Variants in SYN3 observed in about 807,000 individuals in gnomAD.
SYN3 encodes the protein synapsin-3.
Under a neutral mutation model 65.8 loss-of-function variants are expected in SYN3, and 35 were observed. The observed-to-expected ratio is 0.53, with a 90% confidence interval of 0.41 to 0.70. The LOEUF is 0.70. SYN3 is among the 30% of genes least tolerant of loss of function. SYN3 has a pLI of 0.00. For missense variants in SYN3, 680 were observed against 749.0 expected, an observed-to-expected ratio of 0.91 and a Z score of 1.08; for synonymous variants, 270 against 292.9, an observed-to-expected ratio of 0.92 and a Z score of 0.80.
At chr22:32,733,884 G>A (rs572494383) in intron 6 of SYN3, among the ~76,000 whole-genome samples, 25 of 152,238 alleles carry the variant, frequency 1.6e-4, no homozygotes, top group Non-Finnish European at 3.1e-4. Context: ...GGATCACAGC[G>A]CCACACTTAG....
chr22:32,829,949 T>C (rs2047525318), intron 6 of SYN3, among the ~76,000 whole-genome samples: 1 of 152,256 alleles, frequency 6.6e-6, no homozygotes, highest in African/African-American at 2.4e-5. Context: ...TGCCTCTTGC[T>C]GGGCCTCTCT....
At chr22:32,991,334 T>C (rs1813696896) in intron 2 of SYN3, among the ~76,000 whole-genome samples, 1 of 83,170 alleles carries the variant, frequency 1.2e-5, no homozygotes, top group South Asian at 4.1e-4. Flanking sequence ...TGAGACTCCA[T>C]CTCAAATAAT....
At chr22:32,810,079 AGGGG>A (rs2046875143) in intron 6 of SYN3, among the ~76,000 whole-genome samples, 1 of 152,212 alleles carries the variant, frequency 6.6e-6, no homozygotes, top group Admixed American at 6.5e-5. Flanking sequence ...TCTGGCATCC[AGGGG>A]TACACAAAGT....
chr22:32,888,821 A>G (rs2146460847), intron 4 of SYN3, among the ~76,000 whole-genome samples: 1 of 152,204 alleles, frequency 6.6e-6, no homozygotes, highest in South Asian at 2.1e-4. Flanking sequence ...GGGTTGCTCA[A>G]CTGCTAAGGA....
intron 4 of SYN3, among the ~76,000 whole-genome samples, chr22:32,910,439 T>C (rs1022613308): frequency 5.3e-5 from 8 of 151,734 alleles, no homozygotes; most frequent in African/African-American, 1.7e-4. Flanking sequence ...ATCTGTAGAA[T>C]TCCCCCCTGC....
Position 32,849,626 on chromosome 22 carries a change from GGT to G in SYN3, c.711+15287_711+15288del. The G allele has an allele frequency of 1.8e-6, 2 of 1,122,646 alleles. 1 individual carries two copies. Among genetic ancestry groups the G allele is most frequent in the South Asian group, 2.6e-5 (2 of 75,636 alleles). The allele number at this position is 1,122,646 out of a possible 1,614,324, so 69.5% of individuals were successfully genotyped here. A position where few individuals can be genotyped will look rare whatever the true frequency, so the allele number is the denominator to read the frequency against. On this transcript the variant is annotated intron_variant, in intron 6 of 13. Coordinates refer to ENST00000358763, the MANE Select transcript of SYN3 (RefSeq NM_003490.4). The stretch of plus-strand genomic sequence containing the variant: ...GGGAGGCAAAGTGGGTTGGAACTGG[GGT>G]GTGTGTCTAAGCACCAGCCAGACCC...
intron 3 of SYN3, among the ~76,000 whole-genome samples, chr22:32,933,442 G>A (rs1000856052): frequency 2.6e-5 from 4 of 152,058 alleles, no homozygotes; most frequent in Non-Finnish European, 5.9e-5. Flanking sequence ...TGTTGTTGTT[G>A]TTTTCAGACA....
intron 7 of SYN3, among the ~76,000 whole-genome samples, chr22:32,579,629 C>T (rs2058906729): frequency 6.6e-6 from 1 of 152,190 alleles, no homozygotes. Context: ...CCATTAGTCT[C>T]AAATTCTCAA....
chr22:32,577,973 T>C (rs1162857154), intron 7 of SYN3, among the ~76,000 whole-genome samples: 1 of 152,260 alleles, frequency 6.6e-6, no homozygotes. Flanking sequence ...TTGTTTATTC[T>C]TTTCTTCATC....
At chr22:32,919,581 T>C (rs996537440) in intron 4 of SYN3, among the ~76,000 whole-genome samples, 9 of 152,218 alleles carry the variant, frequency 5.9e-5, no homozygotes, top group African/African-American at 2.2e-4. Context: ...TATGTAATGT[T>C]TGCTGGAGCC....
chr22:32,679,919 G>A (rs1287849258), intron 6 of SYN3, among the ~76,000 whole-genome samples: 1 of 121,206 alleles, frequency 8.3e-6, no homozygotes, highest in African/African-American at 3.2e-5. Flanking sequence ...AGCTTCCACA[G>A]TAGTTTTCTT....
intron 3 of SYN3, among the ~76,000 whole-genome samples, chr22:32,940,748 C>A (rs990365299): frequency 3.9e-5 from 6 of 152,102 alleles, no homozygotes; most frequent in Non-Finnish European, 7.4e-5. Flanking sequence ...CAAGTTGTCA[C>A]AATTAATGTA....
At chr22:32,735,860 G>C (rs1024380503) in intron 6 of SYN3, among the ~76,000 whole-genome samples, 4 of 152,222 alleles carry the variant, frequency 2.6e-5, no homozygotes, top group African/African-American at 7.2e-5. Flanking sequence ...TTGGTTTGCT[G>C]ACAAAGCAGA....
chr22:32,885,781 G>C (rs906825544), intron 4 of SYN3, among the ~76,000 whole-genome samples: 1 of 152,000 alleles, frequency 6.6e-6, no homozygotes, highest in Non-Finnish European at 1.5e-5. Flanking sequence ...GGCTGGTCTG[G>C]AACTCCTGAC....
At chr22:32,963,511 G>T (rs2051727149) in intron 3 of SYN3, among the ~76,000 whole-genome samples, 1 of 152,036 alleles carries the variant, frequency 6.6e-6, no homozygotes, top group Non-Finnish European at 1.5e-5. Context: ...TAAGTATATG[G>T]ATGGATGGAT....
Position 32,528,910 on chromosome 22 carries a change from C to T in SYN3, c.1194G>A (p.Met398Ile). 6.2e-7 allele frequency: 1 copy of T among 1,614,130 alleles called. No homozygotes were observed. The highest frequency in any genetic ancestry group is 8.5e-7 in the Non-Finnish European group (1 of 1,180,038). ...LVVSKMSQLPMPGGTAPSPLR... is the reference protein window; with the variant it reads ...LVVSKMSQLPIPGGTAPSPLR... ...GGGGGGAGGGCGCTGTGCCTCCTGG[C>T]ATCGGGAGCTGGCTCATTTTGGAGA... is the stretch of plus-strand genomic sequence containing the variant. Residue 398 changes from methionine (M) to isoleucine (I), a missense_variant, in exon 11 of 14, where the codon ATG (methionine) becomes ATA (isoleucine). Physicochemically the swap from Met to Ile is conservative, Grantham distance 10. Coordinates refer to ENST00000358763, the MANE Select transcript of SYN3 (RefSeq NM_003490.4).
chr22:32,715,158 T>C (rs938818708), intron 6 of SYN3, among the ~76,000 whole-genome samples: 10 of 152,250 alleles, frequency 6.6e-5, no homozygotes, highest in African/African-American at 2.2e-4. Context: ...GCCTCAGATA[T>C]GTAGCGTTTG....
At chr22:32,612,565 C>T (rs558059648) in intron 6 of SYN3, among the ~76,000 whole-genome samples, 52 of 152,258 alleles carry the variant, frequency 3.4e-4, no homozygotes, top group Middle Eastern at 6.8e-3. Context: ...CTGGAGGCCA[C>T]GCATGGTGGC....
intron 2 of SYN3, among the ~76,000 whole-genome samples, chr22:32,998,483 T>G (rs1246154769): frequency 6.6e-6 from 1 of 151,998 alleles, no homozygotes; most frequent in African/African-American, 2.4e-5. Context: ...ATTGCGGAAA[T>G]GGAAGAGCAG....
Sources: allele counts gnomAD v4.1 joint callset (sites outside exome capture counted in the v4.1 genomes callset), GRCh38; gene constraint gnomAD v4.1.1; transcripts MANE v1.5; gene names NCBI Gene and HGNC (gene_info 2026-07-23, HGNC 2026-07-21).